NEK7: variants seen among roughly 807,000 people sequenced by gnomAD.
The protein encoded by NEK7 is NIMA related kinase 7.
A neutral mutation model predicts 44.6 loss-of-function variants in NEK7; 18 were observed. The observed-to-expected ratio is 0.40, with a 90% CI of 0.28 to 0.60. The LOEUF (loss-of-function observed/expected upper bound fraction) is 0.60, where lower values mean the gene tolerates loss of function less well. Ranked by LOEUF, NEK7 falls within the 20% of genes least tolerant of loss-of-function variation. The probability of loss-of-function intolerance (pLI) is 0.38; values close to 1 mark genes in which losing one functional copy is unlikely to be tolerated. For synonymous variants in NEK7, 130 were observed against 121.1 expected, an observed-to-expected ratio of 1.07 and a Z score of -0.48; for missense variants, 256 against 366.5, an observed-to-expected ratio of 0.70 and a Z score of 2.46.
chr1:198,260,007 A>G (rs1263448202), intron 3 of NEK7, among the ~76,000 whole-genome samples: 2 of 152,184 alleles, frequency 1.3e-5, no homozygotes, highest in Non-Finnish European at 2.9e-5. Flanking sequence ...GACACTGTGC[A>G]TCTTAAAGGA....
chr1:198,213,095 A>G (rs1228702717), intron 1 of NEK7, among the ~76,000 whole-genome samples: 1 of 152,214 alleles, frequency 6.6e-6, no homozygotes, highest in Non-Finnish European at 1.5e-5. Context: ...AGGACAGGTC[A>G]CACCTCTGGA....
chr1:198,191,548 C>T (rs898602726), intron 1 of NEK7, among the ~76,000 whole-genome samples: 5 of 151,742 alleles, frequency 3.3e-5, no homozygotes, highest in Non-Finnish European at 5.9e-5. Context: ...ATGCATTGTA[C>T]ATATTCTTTT....
At chr1:198,203,481 C>T (rs1315694025) in intron 1 of NEK7, among the ~76,000 whole-genome samples, 2 of 152,212 alleles carry the variant, frequency 1.3e-5, no homozygotes, top group African/African-American at 4.8e-5. Flanking sequence ...TTAAGACAAA[C>T]ACACAAGAAC....
Position 198,188,854 on chromosome 1 carries a change from A to G in NEK7, c.-29+31578A>G, listed in dbSNP as rs544974029. On this transcript the variant is annotated intron_variant, in intron 1 of 9. Coordinates refer to ENST00000367385, the MANE Select transcript of NEK7 (RefSeq NM_133494.3). ...GTGAAGTAGGCCAGGAAAGTTGATC[A>G]TCTCCATTTTGCAGAAAAGAAAACT... Among the ~76,000 whole-genome samples, 7 of 152,274 alleles carry G rather than the reference A, an allele frequency of 4.6e-5. No homozygotes were observed. In the South Asian group the frequency reaches 1.5e-3, roughly 32 times the overall value.
At chr1:198,289,278 A>G (rs75848903) in intron 7 of NEK7, among the ~76,000 whole-genome samples, 3,630 of 152,238 alleles carry the variant, frequency 0.024, 152 homozygotes, top group African/African-American at 0.082. Flanking sequence ...GAAAGAAACT[A>G]TATTTCTAAA....
At chr1:198,159,065 C>T (rs1305575085) in intron 1 of NEK7, among the ~76,000 whole-genome samples, 1 of 152,146 alleles carries the variant, frequency 6.6e-6, no homozygotes, top group Non-Finnish European at 1.5e-5. Flanking sequence ...AGGAAGGAGC[C>T]CGGGAGCCCG....
chr1:198,200,552 CT>C (rs531448626), intron 1 of NEK7, among the ~76,000 whole-genome samples: 323 of 131,270 alleles, frequency 2.5e-3, no homozygotes, highest in Admixed American at 3.3e-3. Context: ...TTCTTTCTTT[CT>C]TTTTTTTTTT....
intron 1 of NEK7, among the ~76,000 whole-genome samples, chr1:198,225,956 C>T (rs912790115): frequency 6.6e-6 from 1 of 152,028 alleles, no homozygotes; most frequent in East Asian, 1.9e-4. Context: ...TCTTGACATG[C>T]GTACATGCAT....
chr1:198,298,199 G>C (rs1654768483), intron 9 of NEK7, among the ~76,000 whole-genome samples: 1 of 152,080 alleles, frequency 6.6e-6, no homozygotes, highest in Non-Finnish European at 1.5e-5. Flanking sequence ...AAGGAGAAAA[G>C]GAAAAATATA....
chr1:198,157,552 G>C, intron 1 of NEK7, among the ~76,000 whole-genome samples: 1 of 152,348 alleles, frequency 6.6e-6, no homozygotes, highest in Admixed American at 6.5e-5. Flanking sequence ...CGGTAACTAA[G>C]AAACTCCGTG....
intron 2 of NEK7, among the ~76,000 whole-genome samples, chr1:198,249,493 T>TA (rs1652835408): frequency 6.6e-6 from 1 of 152,026 alleles, no homozygotes; most frequent in East Asian, 1.9e-4. Flanking sequence ...TTGAACTAGT[T>TA]TATAGTCCCA....
intron 1 of NEK7, among the ~76,000 whole-genome samples, chr1:198,213,768 C>T (rs1665843346): frequency 6.6e-6 from 1 of 152,122 alleles, no homozygotes; most frequent in Non-Finnish European, 1.5e-5. Flanking sequence ...TCACTGAGCA[C>T]TTCCCCAGCC....
chr1:198,302,593 TTATG>T (rs1389477839), intron 9 of NEK7, among the ~76,000 whole-genome samples: 1 of 152,212 alleles, frequency 6.6e-6, no homozygotes, highest in African/African-American at 2.4e-5. Flanking sequence ...CTATGGTTGA[TTATG>T]TATGAATAAC....
At chr1:198,176,589 CAT>C (rs3060408) in intron 1 of NEK7, among the ~76,000 whole-genome samples, 149,570 of 150,024 alleles carry the variant, frequency 1, 74,558 homozygotes, top group Middle Eastern at 1. Flanking sequence ...TTAGATTTAT[CAT>C]ATATATATAT....
intron 2 of NEK7, among the ~76,000 whole-genome samples, chr1:198,248,105 G>A (rs2102909525): frequency 6.6e-6 from 1 of 152,296 alleles, no homozygotes; most frequent in African/African-American, 2.4e-5. Context: ...AGGCACGGAA[G>A]AGTGTGCTCA....
chr1:198,299,258 TTAATC>T (rs1654805268), intron 9 of NEK7, among the ~76,000 whole-genome samples: 1 of 152,218 alleles, frequency 6.6e-6, no homozygotes, highest in African/African-American at 2.4e-5. Flanking sequence ...CAATGTTACT[TTAATC>T]TATTTAGTTA....
chr1:198,204,445 C>T (rs560954924), intron 1 of NEK7, among the ~76,000 whole-genome samples: 31 of 152,054 alleles, frequency 2.0e-4, no homozygotes, highest in African/African-American at 2.6e-4. Flanking sequence ...CAGGGCCCGG[C>T]GCGGTGGCTC....
chr1:198,254,129 G>A (rs553504354), intron 3 of NEK7, among the ~76,000 whole-genome samples: 254 of 151,550 alleles, frequency 1.7e-3, no homozygotes, highest in Middle Eastern at 6.8e-3. Context: ...ATATAGAGAT[G>A]AACAGTTTTA....
intron 1 of NEK7, among the ~76,000 whole-genome samples, chr1:198,171,929 C>T (rs1216275802): frequency 6.6e-6 from 1 of 152,196 alleles, no homozygotes; most frequent in East Asian, 1.9e-4. Flanking sequence ...TTCCTGTGAA[C>T]TCATGTAGTA....
Sources: allele counts gnomAD v4.1 joint callset (sites outside exome capture counted in the v4.1 genomes callset), GRCh38; gene constraint gnomAD v4.1.1; transcripts MANE v1.5; gene names NCBI Gene and HGNC (gene_info 2026-07-23, HGNC 2026-07-21).